MAPKAP1: variants seen among roughly 807,000 people sequenced by gnomAD.
MAPKAP1 encodes the protein target of rapamycin complex 2 subunit MAPKAP1.
Under a neutral mutation model 65.7 loss-of-function variants are expected in MAPKAP1, and 20 were observed. The ratio of observed to expected loss-of-function variants is 0.30; its 90% CI spans 0.21 to 0.44. The LOEUF is 0.44. MAPKAP1 is among the 20% of genes least tolerant of loss of function. The probability of loss-of-function intolerance (pLI) is 1.00; values close to 1 mark genes in which losing one functional copy is unlikely to be tolerated. For synonymous variants in MAPKAP1, 222 were observed against 244.3 expected (o/e 0.91, Z 0.85); for missense variants, 423 against 648.0 (o/e 0.65, Z 3.77).
At chr9:125,456,990 ATT>A (rs36063329) in intron 10 of MAPKAP1, among the ~76,000 whole-genome samples, 1 of 143,538 alleles carries the variant, frequency 7.0e-6, no homozygotes, top group African/African-American at 2.6e-5. Flanking sequence ...CATTTAGTGA[ATT>A]TTTTTTTTTT....
intron 4 of MAPKAP1, among the ~76,000 whole-genome samples, chr9:125,642,159 C>A (rs914238854): frequency 6.6e-6 from 1 of 150,408 alleles, no homozygotes; most frequent in Non-Finnish European, 1.5e-5. Flanking sequence ...AAGCCAAGAT[C>A]ACATCCCTGC....
chr9:125,450,672 T>A (rs1350307806), intron 10 of MAPKAP1, among the ~76,000 whole-genome samples: 5 of 152,234 alleles, frequency 3.3e-5, no homozygotes, highest in Non-Finnish European at 7.3e-5. Flanking sequence ...ACATCAGGCA[T>A]GGATACTTTT....
intron 3 of MAPKAP1, among the ~76,000 whole-genome samples, chr9:125,667,086 G>A (rs746765432): frequency 1.3e-5 from 2 of 152,172 alleles, no homozygotes; most frequent in Admixed American, 6.5e-5. Flanking sequence ...AGTATAAGAA[G>A]TACATGTCTA....
intron 5 of MAPKAP1, among the ~76,000 whole-genome samples, chr9:125,581,051 T>C (rs1404141239): frequency 2.6e-5 from 4 of 152,272 alleles, no homozygotes; most frequent in Non-Finnish European, 5.9e-5. Context: ...GTTCCTCTTC[T>C]CTTGATAGTA....
chr9:125,603,345 C>T (rs1446874761), intron 4 of MAPKAP1, among the ~76,000 whole-genome samples: 1 of 152,120 alleles, frequency 6.6e-6, no homozygotes, highest in Non-Finnish European at 1.5e-5. Flanking sequence ...GGTGGCAGTA[C>T]CCAATTGTGC....
intron 8 of MAPKAP1, among the ~76,000 whole-genome samples, chr9:125,490,393 G>T (rs1350434384): frequency 1.3e-5 from 2 of 151,944 alleles, no homozygotes; most frequent in African/African-American, 4.8e-5. Context: ...TACAAAATCA[G>T]CTGGGTATGG....
chr9:125,666,360 G>A (rs1834339976), intron 3 of MAPKAP1, among the ~76,000 whole-genome samples: 1 of 152,116 alleles, frequency 6.6e-6, no homozygotes, highest in Admixed American at 6.5e-5. Context: ...AGGATAAACT[G>A]GATGTTGACA....
intron 10 of MAPKAP1, among the ~76,000 whole-genome samples, chr9:125,450,403 TC>T (rs1852900081): frequency 6.6e-6 from 1 of 152,242 alleles, no homozygotes; most frequent in African/African-American, 2.4e-5. Flanking sequence ...TCGCCTGTTT[TC>T]ACAGTTGTAA....
chr9:125,693,721 G>GTATACACGTATACACACACATATACACA (rs1564620357), intron 1 of MAPKAP1, among the ~76,000 whole-genome samples: 1 of 58,920 alleles, frequency 1.7e-5, no homozygotes, highest in African/African-American at 3.9e-5. Flanking sequence ...ATATATACAC[G>GTATACACGTATACACACACATATACACA]TATATACACA....
chr9:125,614,496 C>T (rs773719019), intron 4 of MAPKAP1, among the ~76,000 whole-genome samples: 25 of 152,136 alleles, frequency 1.6e-4, no homozygotes, highest in Admixed American at 7.2e-4. Flanking sequence ...TGGTAGCAGG[C>T]GCCTGTAATC....
At chr9:125,688,170 C>G (rs1052399306) in intron 1 of MAPKAP1, among the ~76,000 whole-genome samples, 17 of 151,938 alleles carry the variant, frequency 1.1e-4, no homozygotes, top group African/African-American at 4.1e-4. Flanking sequence ...CGGAGTTTTG[C>G]TCTTGTCATC....
At chr9:125,561,392 T>G (rs1445821754) in intron 5 of MAPKAP1, among the ~76,000 whole-genome samples, 1 of 152,232 alleles carries the variant, frequency 6.6e-6, no homozygotes, top group Non-Finnish European at 1.5e-5. Context: ...AAATTAAAAT[T>G]AATGGAAACT....
At chr9:125,691,028 G>A (rs10120031) in intron 1 of MAPKAP1, among the ~76,000 whole-genome samples, 47,032 of 152,112 alleles carry the variant, frequency 0.31, 8,078 homozygotes, top group Middle Eastern at 0.39. Context: ...GTGGGAGGCC[G>A]AGGTGGGTGG....
chr9:125,590,223 G>A (rs1033379098), intron 4 of MAPKAP1, among the ~76,000 whole-genome samples: 6 of 152,192 alleles, frequency 3.9e-5, no homozygotes, highest in South Asian at 2.1e-4. Context: ...CTTTAGAGAT[G>A]CAGAGCAGTA....
rs1216463261 is a variant in MAPKAP1 at position 125,693,830 on chromosome 9, CATAT to C, written c.-70+13137_-70+13140del. On this transcript the variant is annotated intron_variant, in intron 1 of 11. Coordinates refer to ENST00000265960, the MANE Select transcript of MAPKAP1 (RefSeq NM_001006617.3). ...ATACACACACATATACACACACACA[CATAT>C]ATATACACACATACACACACACACA... Among the ~76,000 whole-genome samples, 128 of 100,380 alleles carry C rather than the reference CATAT, an allele frequency of 1.3e-3. 1 individual carries two copies. The highest frequency in any genetic ancestry group is 2.4e-3 in the Admixed American group (25 of 10,338). 65.9% of individuals were successfully genotyped at this position (100,380 alleles called of 152,430 possible).
intron 6 of MAPKAP1, among the ~76,000 whole-genome samples, chr9:125,545,088 C>G (rs1236163164): frequency 1.3e-5 from 2 of 152,164 alleles, no homozygotes; most frequent in Non-Finnish European, 2.9e-5. Context: ...GAACAGCAGG[C>G]CTGAGAACTG....
chr9:125,472,852 T>C (rs1036586039), intron 9 of MAPKAP1, among the ~76,000 whole-genome samples: 2 of 152,246 alleles, frequency 1.3e-5, no homozygotes, highest in Non-Finnish European at 2.9e-5. Context: ...CTCTGGTTAG[T>C]AGAATTATAT....
At chr9:125,516,955 T>C (rs1326595586) in intron 7 of MAPKAP1, among the ~76,000 whole-genome samples, 1 of 152,224 alleles carries the variant, frequency 6.6e-6, no homozygotes, top group Non-Finnish European at 1.5e-5. Flanking sequence ...ATGGAGGACT[T>C]TCCTGGCCCT....
chr9:125,682,273 C>A (rs537357468), intron 1 of MAPKAP1, among the ~76,000 whole-genome samples: 1 of 152,162 alleles, frequency 6.6e-6, no homozygotes, highest in African/African-American at 2.4e-5. Flanking sequence ...GATAAAATGG[C>A]ACTTTATCAA....
Sources: allele counts gnomAD v4.1 joint callset (sites outside exome capture counted in the v4.1 genomes callset), GRCh38; gene constraint gnomAD v4.1.1; transcripts MANE v1.5; gene names NCBI Gene and HGNC (gene_info 2026-07-23, HGNC 2026-07-21).